The following NBEA variants were observed in gnomAD, a reference collection of about 807,000 sequenced individuals.
NBEA encodes neurobeachin.
NBEA carries 44 observed loss-of-function variants against 343.4 expected under a neutral mutation model. That is an observed-to-expected ratio of 0.13 (90% confidence interval 0.10 to 0.16). The LOEUF is 0.16. Among genes scored for constraint, NBEA ranks in the 10% least tolerant of loss-of-function variants. NBEA has a pLI of 1.00. For missense variants in NBEA, 2,555 were observed against 3,631.3 expected, an observed-to-expected ratio of 0.70 and a Z score of 7.62; for synonymous variants, 1,175 against 1,238.7, an observed-to-expected ratio of 0.95 and a Z score of 1.08.
intron 36 of NBEA, among the ~76,000 whole-genome samples, chr13:35,324,388 G>T (rs2038394631): frequency 6.6e-6 from 1 of 152,172 alleles, no homozygotes; most frequent in Non-Finnish European, 1.5e-5. Context: ...CTGTTGTACA[G>T]ATCAATATTT....
intron 33 of NBEA, among the ~76,000 whole-genome samples, chr13:35,215,256 G>A (rs552922360): frequency 6.6e-6 from 1 of 151,644 alleles, no homozygotes; most frequent in South Asian, 2.1e-4. Context: ...ATAATACTGA[G>A]TATTCAAACT....
chr13:35,358,424 T>C (rs576067458), intron 38 of NBEA, among the ~76,000 whole-genome samples: 2 of 152,076 alleles, frequency 1.3e-5, no homozygotes, highest in Non-Finnish European at 2.9e-5. Flanking sequence ...GAATTAATAA[T>C]TATAGAAACA....
intron 10 of NBEA, among the ~76,000 whole-genome samples, chr13:35,084,782 A>G (rs910392960): frequency 9.2e-5 from 14 of 152,256 alleles, no homozygotes; most frequent in South Asian, 2.1e-4. Context: ...CAAAAAATCA[A>G]TGAATCCAGG....
intron 38 of NBEA, among the ~76,000 whole-genome samples, chr13:35,381,478 G>A (rs1176096208): frequency 6.6e-6 from 1 of 152,112 alleles, no homozygotes; most frequent in Non-Finnish European, 1.5e-5. Context: ...TAACCTGTAT[G>A]CTTTATAAAG....
intron 36 of NBEA, among the ~76,000 whole-genome samples, chr13:35,321,197 T>G (rs2038113249): frequency 6.6e-6 from 1 of 152,134 alleles, no homozygotes; most frequent in Non-Finnish European, 1.5e-5. Context: ...TTTCAGCCTT[T>G]TTCAGCTGGT....
intron 1 of NBEA, among the ~76,000 whole-genome samples, chr13:34,978,541 G>A (rs2060255421): frequency 6.6e-6 from 1 of 152,138 alleles, no homozygotes. Context: ...TGTGACAAAT[G>A]CATGTACCTG....
At chr13:35,463,892 A>T (rs2047035352) in intron 40 of NBEA, among the ~76,000 whole-genome samples, 1 of 152,172 alleles carries the variant, frequency 6.6e-6, no homozygotes, top group South Asian at 2.1e-4. Context: ...AACTACCTCA[A>T]ACAAGAGGAA....
chr13:35,110,639 TA>T (rs1376475838), intron 12 of NBEA, among the ~76,000 whole-genome samples, 170 bp from the exon 13 acceptor site: 1 of 152,130 alleles, frequency 6.6e-6, no homozygotes, highest in Non-Finnish European at 1.5e-5. Flanking sequence ...GCAGATTATA[TA>T]TTTTTTAAAT....
chr13:35,274,889 A>G (rs769285010), intron 34 of NBEA, among the ~76,000 whole-genome samples: 19 of 152,236 alleles, frequency 1.2e-4, no homozygotes, highest in Admixed American at 8.5e-4. Flanking sequence ...TTCCATGCTC[A>G]TGGACATGAA....
rs112004146 is a variant in NBEA, at chr13:34,991,103, T to A, written c.294+47989T>A. Among the ~76,000 whole-genome samples, 847 of 152,324 alleles carry A rather than the reference T, an allele frequency of 5.6e-3. 5 individuals carry two copies. The highest frequency in any genetic ancestry group is 0.02 in the African/African-American group (811 of 41,576). On this transcript the variant is annotated intron_variant, in intron 1 of 58. Coordinates refer to ENST00000379939, the MANE Select transcript of NBEA (RefSeq NM_001385012.1). ...TGTCAGCATTTTGGTAACAACAGTTTAACAAGTCTTTAGAAAGTTCCAAAC... is the reference window on the plus strand; with the variant it reads ...TGTCAGCATTTTGGTAACAACAGTTAAACAAGTCTTTAGAAAGTTCCAAAC...
intron 41 of NBEA, among the ~76,000 whole-genome samples, chr13:35,487,916 G>A (rs2076361416): frequency 6.6e-6 from 1 of 151,798 alleles, no homozygotes; most frequent in African/African-American, 2.4e-5. Context: ...ATTACTCCTA[G>A]AATGGATTGG....
chr13:35,622,430 G>T (rs2083033761), intron 48 of NBEA, among the ~76,000 whole-genome samples: 1 of 152,164 alleles, frequency 6.6e-6, no homozygotes, highest in Non-Finnish European at 1.5e-5. Context: ...GGATTCAGAA[G>T]AAGTTTGAAG....
intron 41 of NBEA, among the ~76,000 whole-genome samples, chr13:35,509,001 GAT>G (rs1176397005): frequency 6.6e-6 from 1 of 152,224 alleles, no homozygotes; most frequent in African/African-American, 2.4e-5. Context: ...CCTTTCAATG[GAT>G]ATGCCTTTTA....
intron 41 of NBEA, among the ~76,000 whole-genome samples, chr13:35,544,889 G>T (rs904829689): frequency 3.3e-5 from 5 of 152,104 alleles, no homozygotes; most frequent in African/African-American, 1.2e-4. Flanking sequence ...AAACTGGATG[G>T]GATAGTATTT....
chr13:35,629,191 A>AT (rs753734657), intron 49 of NBEA, among the ~76,000 whole-genome samples: 3 of 152,170 alleles, frequency 2.0e-5, no homozygotes, highest in Non-Finnish European at 4.4e-5. Context: ...CAGCTGCTAC[A>AT]TAAGTGTTGC....
chr13:35,219,878 T>C (rs888017415), intron 33 of NBEA, among the ~76,000 whole-genome samples: 1 of 152,134 alleles, frequency 6.6e-6, no homozygotes, highest in African/African-American at 2.4e-5. Context: ...GAAGCCTTCT[T>C]CCATGAAGGA....
intron 36 of NBEA, among the ~76,000 whole-genome samples, chr13:35,322,687 C>G (rs536675299): frequency 1.3e-5 from 2 of 152,204 alleles, no homozygotes; most frequent in East Asian, 3.9e-4. Context: ...TACAAAATTA[C>G]CTGCATACAT....
intron 49 of NBEA, among the ~76,000 whole-genome samples, chr13:35,643,811 G>A (rs1352004145): frequency 6.6e-6 from 1 of 152,158 alleles, no homozygotes; most frequent in Admixed American, 6.5e-5. Flanking sequence ...CTACTTCATT[G>A]TAACAATTCA....
intron 49 of NBEA, among the ~76,000 whole-genome samples, chr13:35,639,082 G>A (rs968390109): frequency 1.3e-5 from 2 of 151,976 alleles, no homozygotes; most frequent in Non-Finnish European, 2.9e-5. Flanking sequence ...CTTTTTACTC[G>A]GATTACCAAA....
Sources: gnomAD v4.1 joint callset for allele counts (sites outside exome capture counted in the v4.1 genomes callset) on GRCh38, gnomAD v4.1.1 for gene constraint, MANE v1.5 for transcripts, NCBI Gene and HGNC (gene_info 2026-07-23, HGNC 2026-07-21) for gene names.